Variants in TEX14 observed in about 807,000 individuals in gnomAD.
TEX14 encodes the protein testis expressed 14, intercellular bridge forming factor.
Under a neutral mutation model 178.6 loss-of-function variants are expected in TEX14, and 168 were observed. That is an observed-to-expected ratio of 0.94 (90% confidence interval 0.83 to 1.07). TEX14 has a LOEUF of 1.07. TEX14 is among the 50% of genes least tolerant of loss of function. The probability of loss-of-function intolerance (pLI) is 0.00; values close to 1 mark genes in which losing one functional copy is unlikely to be tolerated. For missense variants in TEX14, 1,730 were observed against 1,753.6 expected (o/e 0.99, Z 0.24); for synonymous variants, 626 against 634.1 (o/e 0.99, Z 0.19).
At position 58,622,994 on chromosome 17, in the gene TEX14, G is replaced by A; in HGVS notation, c.270C>T (p.Ser90=). ...AAAATGCTGCTGCATGGACAGGGGTGCTCCCATCAAAGCAGCGGCTGGGGA... is the reference window on the plus strand; with the variant it reads ...AAAATGCTGCTGCATGGACAGGGGTACTCCCATCAAAGCAGCGGCTGGGGA... The part of the protein sequence containing the change: ...SDPNHRCFDG[S]TPVHAAAFSG... The change falls in exon 4 of 32, where the codon AGC becomes AGT. Residue 90 remains serine (S), a synonymous_variant. Transcript: ENST00000349033. 2.0e-5 allele frequency: 32 copies of A among 1,598,262 alleles called. No homozygotes were observed. Among genetic ancestry groups the A allele is most frequent in the Non-Finnish European group, 2.6e-5 (30 of 1,166,750 alleles).
intron 2 of TEX14, among the ~76,000 whole-genome samples, chr17:58,643,874 CAAAAAAA>C (rs71143262): frequency 9.8e-5 from 2 of 20,512 alleles, no homozygotes; most frequent in Non-Finnish European, 1.6e-4. Flanking sequence ...GACTCTGTCT[CAAAAAAA>C]AAAAAAAAAA....
intron 8 of TEX14, among the ~76,000 whole-genome samples, chr17:58,615,019 A>C (rs1598387901): frequency 6.6e-6 from 1 of 152,178 alleles, no homozygotes; most frequent in African/African-American, 2.4e-5. Flanking sequence ...AGAGCCCCTC[A>C]CCACCACTGT....
chr17:58,576,602 T>C (rs2044683314), intron 21 of TEX14, among the ~76,000 whole-genome samples: 1 of 152,188 alleles, frequency 6.6e-6, no homozygotes, highest in African/African-American at 2.4e-5. Flanking sequence ...ATATTGACAT[T>C]GATACAGTCA....
chr17:58,573,410 G>A (rs1259958363), intron 22 of TEX14, 102 bp from the exon 23 acceptor site: 2 of 1,155,062 alleles, frequency 1.7e-6, no homozygotes, highest in East Asian at 2.4e-5. Context: ...AACAAAATTT[G>A]TATGTGGCAA....
rs185082487 is a variant in TEX14 at position 58,602,080 on chromosome 17, T to C, written c.1528-124A>G. On this transcript the variant is annotated intron_variant, in intron 12 of 31. Coordinates refer to ENST00000349033, the MANE Select transcript of TEX14 (RefSeq NM_031272.5). ...TTCCTGTTGGGTAGACTGACTTTAG[T>C]CCTAATTAACTAGTTTATTGTTATT... 1.0e-4 allele frequency: 101 copies of C among 998,136 alleles called. 1 individual carries two copies. In the East Asian group the frequency reaches 2.3e-3, roughly 23 times the overall value. 61.8% of individuals were successfully genotyped at this position (998,136 alleles called of 1,614,324 possible).
intron 1 of TEX14, among the ~76,000 whole-genome samples, chr17:58,659,161 C>T (rs572184614): frequency 6.6e-6 from 1 of 152,260 alleles, no homozygotes; most frequent in African/African-American, 2.4e-5. Flanking sequence ...CAGAAAAGCG[C>T]AAAAGCAGTC....
intron 3 of TEX14, among the ~76,000 whole-genome samples, chr17:58,623,237 C>G (rs1402673841): frequency 6.6e-6 from 1 of 151,912 alleles, no homozygotes; most frequent in Non-Finnish European, 1.5e-5. Flanking sequence ...CTCCTTCACT[C>G]AACCCTTCAA....
At chr17:58,631,504 A>C (rs1339949244) in intron 2 of TEX14, 2 of 152,186 alleles carry the variant, frequency 1.3e-5, no homozygotes, top group East Asian at 3.8e-4. Context: ...AGCACTCTGC[A>C]CAATCCTAAG....
chr17:58,615,180 T>G (rs1304822039), intron 8 of TEX14, 52 bp downstream of exon 8: 5 of 1,064,670 alleles, frequency 4.7e-6, no homozygotes, highest in South Asian at 1.3e-5. Flanking sequence ...GCCCAGAACC[T>G]GAGTCTGTAG....
intron 16 of TEX14, 28 bp from the exon 17 acceptor site, chr17:58,587,694 G>C (rs767275592): frequency 6.6e-6 from 10 of 1,513,344 alleles, no homozygotes; most frequent in Non-Finnish European, 8.2e-6. Context: ...TTTGGAGGTA[G>C]GGGGAGCGGG....
At chr17:58,691,207 T>C (rs1010121027) in intron 1 of TEX14, among the ~76,000 whole-genome samples, 1 of 152,152 alleles carries the variant, frequency 6.6e-6, no homozygotes, top group Non-Finnish European at 1.5e-5. Flanking sequence ...TGAGCTTCCA[T>C]GTCCTTATCT....
intron 19 of TEX14, chr17:58,581,627 T>C (rs1397356131): frequency 6.2e-7 from 1 of 1,613,900 alleles, no homozygotes; most frequent in African/African-American, 1.3e-5. Context: ...AGCTAAGTTT[T>C]CTTGAGCAGT....
chr17:58,573,747 G>A (rs1418078372), intron 22 of TEX14, among the ~76,000 whole-genome samples: 1 of 152,144 alleles, frequency 6.6e-6, no homozygotes, highest in East Asian at 1.9e-4. Context: ...ACGAACTCCT[G>A]ATCTCAGGTG....
chr17:58,676,061 G>GA, intron 1 of TEX14, among the ~76,000 whole-genome samples: 1 of 152,044 alleles, frequency 6.6e-6, no homozygotes, highest in Non-Finnish European at 1.5e-5. Flanking sequence ...CCAACATGGT[G>GA]AAACCCTCTC....
At chr17:58,676,978 G>A (rs1188086772) in intron 1 of TEX14, among the ~76,000 whole-genome samples, 1 of 152,032 alleles carries the variant, frequency 6.6e-6, no homozygotes, top group Non-Finnish European at 1.5e-5. Context: ...AAGTAGCCAG[G>A]TGTTGTGGCG....
intron 2 of TEX14, among the ~76,000 whole-genome samples, chr17:58,633,733 C>A (rs1039528568): frequency 6.6e-6 from 1 of 152,082 alleles, no homozygotes. Flanking sequence ...CTTTGAGAGG[C>A]CAAGGCAGGT....
At chr17:58,580,108 A>G (rs1330347693) in intron 19 of TEX14, among the ~76,000 whole-genome samples, 1 of 152,192 alleles carries the variant, frequency 6.6e-6, no homozygotes, top group Non-Finnish European at 1.5e-5. Flanking sequence ...AGTCAGAACA[A>G]TGGTTCCTTT....
chr17:58,652,462 C>T (rs1414682222), intron 1 of TEX14, among the ~76,000 whole-genome samples: 1 of 152,102 alleles, frequency 6.6e-6, no homozygotes, highest in Non-Finnish European at 1.5e-5. Flanking sequence ...AGTACTTCTC[C>T]TTCCTGCCAT....
intron 1 of TEX14, among the ~76,000 whole-genome samples, chr17:58,658,643 G>A (rs1344408959): frequency 6.6e-6 from 1 of 151,756 alleles, no homozygotes; most frequent in Admixed American, 6.6e-5. Flanking sequence ...CACCCACCTC[G>A]GCCTCCCAAA....
Sources: allele counts gnomAD v4.1 joint callset (sites outside exome capture counted in the v4.1 genomes callset), GRCh38; gene constraint gnomAD v4.1.1; transcripts MANE v1.5; gene names NCBI Gene and HGNC (gene_info 2026-07-23, HGNC 2026-07-21).